Variants in PCDH9 observed in about 807,000 individuals in gnomAD.
PCDH9 encodes protocadherin 9.
In PCDH9, 24 loss-of-function variants were observed where a neutral mutation model predicts 70.6. The observed-to-expected ratio is 0.34, with a 90% CI of 0.25 to 0.48. The LOEUF (loss-of-function observed/expected upper bound fraction) is 0.48, where lower values mean the gene tolerates loss of function less well. Ranked by LOEUF, PCDH9 falls within the 20% of genes least tolerant of loss-of-function variation. PCDH9 has a pLI of 0.99. For missense variants in PCDH9, 1,281 were observed against 1,503.6 expected, an observed-to-expected ratio of 0.85 and a Z score of 2.45; for synonymous variants, 562 against 558.5, an observed-to-expected ratio of 1.01 and a Z score of -0.09.
chr13:66,939,634 T>G lies in PCDH9; in HGVS notation c.3037-36029A>C, dbSNP rs369264166. Among the ~76,000 whole-genome samples the G allele has an allele frequency of 1.4e-3, 211 of 152,130 alleles. 4 individuals are homozygous for G. The East Asian group carries it at 0.033, about 24-fold the overall frequency. On this transcript the variant is annotated intron_variant, in intron 2 of 4. Transcript: ENST00000377865. ...GTATTTTTAGTAGAGACACGGCTGG[T>G]CTTGAACTCCTGACCTCAAGTGATC...
intron 4 of PCDH9, among the ~76,000 whole-genome samples, chr13:66,617,256 A>T (rs1315697055): frequency 3.9e-5 from 6 of 152,136 alleles, no homozygotes; most frequent in African/African-American, 1.4e-4. Flanking sequence ...AGGATGGAAG[A>T]TGGAAAGAGG....
intron 4 of PCDH9, among the ~76,000 whole-genome samples, chr13:66,446,465 C>A (rs1336743343): frequency 6.6e-6 from 1 of 151,858 alleles, no homozygotes; most frequent in Non-Finnish European, 1.5e-5. Flanking sequence ...AAAGAAGACC[C>A]AAAATGAGGT....
intron 4 of PCDH9, among the ~76,000 whole-genome samples, chr13:66,314,239 CAG>C (rs894691050): frequency 3.9e-5 from 6 of 152,200 alleles, no homozygotes; most frequent in Admixed American, 3.9e-4. Context: ...GCTCCTTTCC[CAG>C]TGGTCTAAAC....
intron 3 of PCDH9, among the ~76,000 whole-genome samples, chr13:66,651,409 T>A (rs2077849838): frequency 6.6e-6 from 1 of 151,814 alleles, no homozygotes; most frequent in Non-Finnish European, 1.5e-5. Flanking sequence ...CTAGAGGAAA[T>A]GAATAAATTC....
At chr13:67,146,372 G>T (rs909202441) in intron 2 of PCDH9, among the ~76,000 whole-genome samples, 1 of 152,086 alleles carries the variant, frequency 6.6e-6, no homozygotes, top group African/African-American at 2.4e-5. Flanking sequence ...GTGATGATTT[G>T]TACAATGAAG....
At chr13:66,552,669 T>TG (rs911843470) in intron 4 of PCDH9, among the ~76,000 whole-genome samples, 29 of 152,192 alleles carry the variant, frequency 1.9e-4, no homozygotes, top group African/African-American at 5.8e-4. Flanking sequence ...TTAAATACTT[T>TG]GGGGGGAAAT....
At chr13:66,569,109 A>T (rs1393962528) in intron 4 of PCDH9, among the ~76,000 whole-genome samples, 1 of 145,276 alleles carries the variant, frequency 6.9e-6, no homozygotes, top group Non-Finnish European at 1.5e-5. Flanking sequence ...TCAAGCAATT[A>T]TCTTGCCTCA....
rs112079300 is a variant in PCDH9, at chr13:66,883,320, G to T, written c.3138+20184C>A. Among the ~76,000 whole-genome samples the T allele has an allele frequency of 2.2e-3, 332 of 152,226 alleles. 1 individual carries two copies. Among genetic ancestry groups the T allele is most frequent in the South Asian group, 5.0e-3 (24 of 4,816 alleles). On this transcript the variant is annotated intron_variant, in intron 3 of 4. Transcript: ENST00000377865. The stretch of plus-strand genomic sequence containing the variant: ...TGGGTTTTAACTCATTTTTCATTAT[G>T]CTTACAGTGTCACAGGTGTGTTGCC...
chr13:66,389,612 A>T (rs1004268621), intron 4 of PCDH9, among the ~76,000 whole-genome samples: 1 of 152,204 alleles, frequency 6.6e-6, no homozygotes, highest in Non-Finnish European at 1.5e-5. Flanking sequence ...AGGGTACCAA[A>T]AAAGGCTTAA....
At chr13:66,570,049 C>G (rs751889508) in intron 4 of PCDH9, among the ~76,000 whole-genome samples, 2 of 152,092 alleles carry the variant, frequency 1.3e-5, no homozygotes, top group Non-Finnish European at 2.9e-5. Context: ...CAAAGAACTG[C>G]TATTACCATG....
chr13:66,857,812 T>C (rs2081419112), intron 3 of PCDH9, among the ~76,000 whole-genome samples: 1 of 152,116 alleles, frequency 6.6e-6, no homozygotes, highest in South Asian at 2.1e-4. Context: ...TCTTACAAAA[T>C]ATGATCCACA....
intron 3 of PCDH9, among the ~76,000 whole-genome samples, chr13:66,664,899 C>T (rs1703690725): frequency 6.6e-6 from 1 of 152,084 alleles, no homozygotes; most frequent in Admixed American, 6.6e-5. Context: ...TTCACTGCAA[C>T]TTAAAAAATA....
At chr13:67,009,215 C>T (rs573774668) in intron 2 of PCDH9, among the ~76,000 whole-genome samples, 1 of 152,028 alleles carries the variant, frequency 6.6e-6, no homozygotes, top group East Asian at 1.9e-4. Flanking sequence ...ATTTGCCTTC[C>T]CAACAAGCTT....
At chr13:66,673,156 A>C (rs567295708) in intron 3 of PCDH9, among the ~76,000 whole-genome samples, 1 of 152,212 alleles carries the variant, frequency 6.6e-6, no homozygotes, top group African/African-American at 2.4e-5. Flanking sequence ...ATCCCCTCAT[A>C]TCGTGGGAGG....
At chr13:67,202,024 A>G (rs1412428372) in intron 2 of PCDH9, 1 of 151,952 alleles carries the variant, frequency 6.6e-6, no homozygotes, top group East Asian at 1.9e-4. Flanking sequence ...AAATGTGGCT[A>G]TTTTTCAGAA....
chr13:66,405,827 C>T (rs765610283), intron 4 of PCDH9, among the ~76,000 whole-genome samples: 3 of 152,120 alleles, frequency 2.0e-5, no homozygotes, highest in Non-Finnish European at 4.4e-5. Flanking sequence ...CAGGATGGAG[C>T]TGGTTTATAA....
intron 2 of PCDH9, among the ~76,000 whole-genome samples, chr13:66,954,758 T>A (rs2083240548): frequency 1.3e-5 from 2 of 152,094 alleles, no homozygotes; most frequent in Admixed American, 6.5e-5. Context: ...GAGATAGAAC[T>A]TTTTTTGTTT....
chr13:67,016,576 T>C (rs1385270939), intron 2 of PCDH9, among the ~76,000 whole-genome samples: 1 of 152,140 alleles, frequency 6.6e-6, no homozygotes, highest in Non-Finnish European at 1.5e-5. Flanking sequence ...ATCCTACAAA[T>C]CTCCTATAAA....
At chr13:66,658,961 A>C (rs896692601) in intron 3 of PCDH9, among the ~76,000 whole-genome samples, 2 of 152,168 alleles carry the variant, frequency 1.3e-5, no homozygotes, top group Non-Finnish European at 2.9e-5. Context: ...TTCAAGACAT[A>C]TAAAAACTAG....
Sources: gnomAD v4.1 joint callset for allele counts (sites outside exome capture counted in the v4.1 genomes callset) on GRCh38, gnomAD v4.1.1 for gene constraint, MANE v1.5 for transcripts, NCBI Gene and HGNC (gene_info 2026-07-23, HGNC 2026-07-21) for gene names.